Variants in SRGAP3 observed in about 807,000 individuals in gnomAD.
SRGAP3 encodes SLIT-ROBO Rho GTPase-activating protein 3.
In SRGAP3, 39 loss-of-function variants were observed where a neutral mutation model predicts 121.1. That is an observed-to-expected ratio of 0.32 (90% CI 0.25 to 0.42). The LOEUF (loss-of-function observed/expected upper bound fraction) is 0.42, where lower values mean the gene tolerates loss of function less well. Ranked by LOEUF, SRGAP3 falls within the 10% of genes least tolerant of loss-of-function variation. The probability of loss-of-function intolerance (pLI) is 1.00; values close to 1 mark genes in which losing one functional copy is unlikely to be tolerated. For missense variants in SRGAP3, 1,213 were observed against 1,470.6 expected, an observed-to-expected ratio of 0.82 and a Z score of 2.86; for synonymous variants, 601 against 570.0, an observed-to-expected ratio of 1.05 and a Z score of -0.77.
chr3:9,079,957 C>T (rs2125263726), intron 4 of SRGAP3, 68 bp downstream of exon 4: 2 of 1,577,398 alleles, frequency 1.3e-6, no homozygotes, highest in East Asian at 4.5e-5. Flanking sequence ...TGTTTTGCTT[C>T]CCTCCAGCTC....
intron 18 of SRGAP3, among the ~76,000 whole-genome samples, chr3:9,003,539 A>G (rs1332638343): frequency 6.6e-6 from 1 of 152,198 alleles, no homozygotes; most frequent in Non-Finnish European, 1.5e-5. Flanking sequence ...CAGTAGCATA[A>G]AAAGAACTAT....
chr3:9,066,588 C>T (rs563212746), intron 4 of SRGAP3, among the ~76,000 whole-genome samples: 2 of 152,270 alleles, frequency 1.3e-5, no homozygotes, highest in African/African-American at 4.8e-5. Context: ...CAACCTCCAC[C>T]TCCTGGGTTC....
At chr3:9,178,187 G>C (rs1338539137) in intron 1 of SRGAP3, among the ~76,000 whole-genome samples, 1 of 152,126 alleles carries the variant, frequency 6.6e-6, no homozygotes, top group African/African-American at 2.4e-5. Flanking sequence ...AGGATCACTT[G>C]AGCCTGGGAG....
At chr3:9,348,359 T>C in intron 1 of SRGAP3, 1 of 466,156 alleles carries the variant, frequency 2.1e-6, no homozygotes, top group Non-Finnish European at 4.0e-6. Context: ...GGAGAAAGAC[T>C]AAAAGTAATC....
intron 14 of SRGAP3, among the ~76,000 whole-genome samples, chr3:9,024,171 G>A (rs955043543): frequency 4.6e-5 from 7 of 152,184 alleles, no homozygotes; most frequent in African/African-American, 1.7e-4. Flanking sequence ...GCAAGTAAAG[G>A]GGTATGGGGT....
chr3:9,251,354 C>CA (rs1954012076), upstream of SRGAP3, among the ~76,000 whole-genome samples: 1 of 152,178 alleles, frequency 6.6e-6, no homozygotes, highest in African/African-American at 2.4e-5. Context: ...CCCACTGCCT[C>CA]ACGCCTCCCC....
intron 8 of SRGAP3, 58 bp from the exon 9 acceptor site, chr3:9,053,282 T>C: frequency 2.0e-6 from 3 of 1,534,916 alleles, no homozygotes; most frequent in Non-Finnish European, 2.7e-6. Flanking sequence ...CGTTGACACC[T>C]AAAGTCCCTT....
chr3:9,206,879 G>T (rs569166456), intron 1 of SRGAP3, among the ~76,000 whole-genome samples: 7 of 152,194 alleles, frequency 4.6e-5, no homozygotes, highest in African/African-American at 1.7e-4. Context: ...ATGACAGTCT[G>T]CCTCCCGCTC....
In SRGAP3 at chr3:9,013,717, C is replaced by T. The variant is rs201744933; in HGVS notation, c.1919+20G>A. 3,155 of 1,613,370 alleles carry T rather than the reference C, an allele frequency of 2.0e-3. 6 individuals are homozygous for T. Among genetic ancestry groups the T allele is most frequent in the Non-Finnish European group, 2.3e-3 (2,656 of 1,179,376 alleles). ...AGGCCAGGCCTGAGTCAAAAAGGGG[C>T]CCCTTGGCCAGACACTCACTGGTTG... On this transcript the variant is annotated intron_variant, in intron 16 of 21. Coordinates refer to ENST00000383836, the MANE Select transcript of SRGAP3 (RefSeq NM_014850.4).
At chr3:9,251,845 C>G, upstream of SRGAP3, among the ~76,000 whole-genome samples, 1 of 152,114 alleles carries the variant, frequency 6.6e-6, no homozygotes, top group East Asian at 1.9e-4. Flanking sequence ...CTGCTGTGCA[C>G]CAGCTGTGTG....
At chr3:9,226,171 A>T (rs767865758) in intron 1 of SRGAP3, among the ~76,000 whole-genome samples, 1 of 152,242 alleles carries the variant, frequency 6.6e-6, no homozygotes, top group Non-Finnish European at 1.5e-5. Context: ...GGGGTGGGGT[A>T]GAGGCAGTGA....
chr3:9,330,901 T>C (rs1476581020), intron 1 of SRGAP3, among the ~76,000 whole-genome samples: 4 of 152,204 alleles, frequency 2.6e-5, no homozygotes, highest in Non-Finnish European at 5.9e-5. Context: ...CAGCTATTAT[T>C]ACAGACGCAT....
At chr3:9,064,286 C>A (rs562055754) in intron 5 of SRGAP3, 110 bp downstream of exon 5, 25 of 1,453,930 alleles carry the variant, frequency 1.7e-5, no homozygotes, top group Non-Finnish European at 2.2e-5. Context: ...CACCACCACC[C>A]CACTGGGATG....
intron 1 of SRGAP3, among the ~76,000 whole-genome samples, chr3:9,346,753 CTTT>C (rs142138773): frequency 2.4e-3 from 311 of 130,528 alleles, no homozygotes; most frequent in Middle Eastern, 0.016. Context: ...GCAATTTTTT[CTTT>C]TTTTTTTTTT....
intron 15 of SRGAP3, chr3:9,014,082 G>T (rs1282548963): frequency 1.1e-5 from 6 of 561,812 alleles, no homozygotes; most frequent in Non-Finnish European, 1.9e-5. Flanking sequence ...TCCGGACTTG[G>T]TTGTGAGAAA....
At position 9,097,181 on chromosome 3, in the gene SRGAP3, C is replaced by T. The variant is rs868419865; in HGVS notation, c.423+7499G>A. Among the ~76,000 whole-genome samples, 2 of 151,380 alleles carry T rather than the reference C, an allele frequency of 1.3e-5. 1 individual carries two copies. The highest frequency in any genetic ancestry group is 4.9e-5 in the African/African-American group (2 of 41,154). ...AATTTTTAATTTTTCTGTAGAGATG[C>T]GGTATTGCTATGCTGCCCAAGCTGG... On this transcript the variant is annotated intron_variant, in intron 3 of 21. Coordinates refer to ENST00000383836, the MANE Select transcript of SRGAP3 (RefSeq NM_014850.4).
intron 3 of SRGAP3, among the ~76,000 whole-genome samples, chr3:9,256,191 G>C (rs186679651): frequency 2.9e-4 from 44 of 150,868 alleles, no homozygotes; most frequent in Non-Finnish European, 5.9e-4. Flanking sequence ...TGCTGCCAAG[G>C]TCCTCTGGCT....
At chr3:9,278,690 A>G (rs1411551000) in intron 3 of SRGAP3, among the ~76,000 whole-genome samples, 1 of 152,226 alleles carries the variant, frequency 6.6e-6, no homozygotes, top group Non-Finnish European at 1.5e-5. Context: ...AAATCACAGC[A>G]GCCGGGTATC....
chr3:9,358,845 A>T (rs1436705592), intron 1 of SRGAP3, among the ~76,000 whole-genome samples: 1 of 152,194 alleles, frequency 6.6e-6, no homozygotes, highest in Non-Finnish European at 1.5e-5. Flanking sequence ...AGGGCAAGGG[A>T]TAGGGGAAAG....
Sources: allele counts gnomAD v4.1 joint callset (sites outside exome capture counted in the v4.1 genomes callset), GRCh38; gene constraint gnomAD v4.1.1; transcripts MANE v1.5; gene names NCBI Gene and HGNC (gene_info 2026-07-23, HGNC 2026-07-21).